Variants in LRRN1 observed in about 807,000 individuals in gnomAD.
LRRN1 encodes leucine-rich repeat neuronal protein 1.
Under a neutral mutation model 45.8 loss-of-function variants are expected in LRRN1, and 14 were observed. The ratio of observed to expected loss-of-function variants is 0.31; its 90% CI spans 0.20 to 0.48. LRRN1 has a LOEUF of 0.48. LRRN1 is among the 20% of genes least tolerant of loss of function. The pLI is 0.99. For synonymous variants in LRRN1, 359 were observed against 330.1 expected, an observed-to-expected ratio of 1.09 and a Z score of -0.95; for missense variants, 789 against 874.2, an observed-to-expected ratio of 0.90 and a Z score of 1.23.
At chr3:3,812,442 A>G (rs1692894374) in intron 1 of LRRN1, among the ~76,000 whole-genome samples, 1 of 152,184 alleles carries the variant, frequency 6.6e-6, no homozygotes, top group East Asian at 1.9e-4. Context: ...CAGAGGTGAG[A>G]AGGACTTTGG....
rs1181509230 is a variant in LRRN1 at position 3,845,073 on chromosome 3, C to T, written c.432C>T (p.Asn144=). The change falls in exon 2 of 2, where the codon AAC becomes AAT. Residue 144 remains asparagine (N), a synonymous_variant. Coordinates refer to ENST00000319331, the MANE Select transcript of LRRN1 (RefSeq NM_020873.7). The surrounding 1 kb of genome is among the most constrained non-coding windows in gnomAD (Gnocchi z 6.5). ...ATTACTGTCTACAAGACCTCAGCAA[C>T]CTTCAAGAACTCTACATCAACCACA... ...MTDYCLQDLS[N]LQELYINHNQ... 19 of 1,614,094 alleles carry T rather than the reference C, an allele frequency of 1.2e-5. No individual in the cohort carries two copies. Among genetic ancestry groups the T allele is most frequent in the Middle Eastern group, 1.7e-4 (1 of 6,060 alleles).
intron 1 of LRRN1, among the ~76,000 whole-genome samples, chr3:3,802,887 C>A (rs1692683949): frequency 6.6e-6 from 1 of 152,178 alleles, no homozygotes; most frequent in East Asian, 1.9e-4. Flanking sequence ...ATTTGTGAAA[C>A]CTTATCTTTG....
intron 1 of LRRN1, among the ~76,000 whole-genome samples, chr3:3,828,832 G>A (rs955266402): frequency 3.3e-5 from 5 of 152,144 alleles, no homozygotes; most frequent in Non-Finnish European, 5.9e-5. Flanking sequence ...TTAACAAGGA[G>A]GAAATACTCA....
intron 1 of LRRN1, among the ~76,000 whole-genome samples, chr3:3,834,189 AC>A (rs1374979606): frequency 6.6e-6 from 1 of 152,038 alleles, no homozygotes; most frequent in Non-Finnish European, 1.5e-5. Context: ...CTTAGGAGCA[AC>A]CAACCAGCTT....
chr3:3,843,675 T>A (rs1373949715), intron 1 of LRRN1, among the ~76,000 whole-genome samples: 1 of 152,086 alleles, frequency 6.6e-6, no homozygotes, highest in Non-Finnish European at 1.5e-5. Flanking sequence ...AAATAGGTGA[T>A]CTTTTATGAC....
At chr3:3,814,741 T>G (rs929262478) in intron 1 of LRRN1, among the ~76,000 whole-genome samples, 2 of 152,088 alleles carry the variant, frequency 1.3e-5, no homozygotes, top group African/African-American at 2.4e-5. Flanking sequence ...AGCCTCAGTT[T>G]TGTCTTTGCC....
At chr3:3,825,482 G>A (rs1441363697) in intron 1 of LRRN1, among the ~76,000 whole-genome samples, 3 of 152,040 alleles carry the variant, frequency 2.0e-5, no homozygotes, top group East Asian at 3.9e-4. Context: ...TTTTTGTCTC[G>A]ATGAATTAAT....
chr3:3,806,856 A>G (rs1004735088), intron 1 of LRRN1, among the ~76,000 whole-genome samples: 3 of 152,206 alleles, frequency 2.0e-5, no homozygotes, highest in Non-Finnish European at 4.4e-5. Flanking sequence ...GATGAAGTTT[A>G]TCTGTAAAAG....
intron 1 of LRRN1, 93 bp from the exon 2 acceptor site, chr3:3,844,271 C>T (rs1478087674): frequency 3.6e-5 from 6 of 166,186 alleles, no homozygotes; most frequent in South Asian, 1.9e-4. Context: ...ACTAGATTTG[C>T]GAGTGACTAT....
In LRRN1 at chr3:3,820,472, A is replaced by G. The variant is rs545872770; in HGVS notation, c.-279+20553A>G. On this transcript the variant is annotated intron_variant, in intron 1 of 1. Coordinates refer to ENST00000319331, the MANE Select transcript of LRRN1 (RefSeq NM_020873.7). ...TTTTTGTTTAAGTTATTTTCTATGT[A>G]AACCGCTCTTCATTTATTCAAATAC... 2.6e-5 allele frequency among the ~76,000 whole-genome samples: 4 copies of G among 152,278 alleles called. No individual in the cohort carries two copies. In the South Asian group the frequency reaches 8.3e-4, roughly 32 times the overall value.
chr3:3,819,795 A>T (rs1414964886), intron 1 of LRRN1, among the ~76,000 whole-genome samples: 3 of 152,156 alleles, frequency 2.0e-5, no homozygotes, highest in Non-Finnish European at 4.4e-5. Flanking sequence ...TCCGTAACTA[A>T]CAAGCATTTT....
chr3:3,840,881 A>G (rs151087469), intron 1 of LRRN1, among the ~76,000 whole-genome samples: 1 of 152,376 alleles, frequency 6.6e-6, no homozygotes, highest in African/African-American at 2.4e-5. Context: ...AGCTATAATA[A>G]TGTTGAACCT....
chr3:3,808,952 T>C (rs1423378810), intron 1 of LRRN1, among the ~76,000 whole-genome samples: 1 of 152,190 alleles, frequency 6.6e-6, no homozygotes, highest in Non-Finnish European at 1.5e-5. Flanking sequence ...TAGTTACAGA[T>C]TGCATTCTCC....
rs758746536 is a variant in LRRN1, at chr3:3,846,346, A to G, written c.1705A>G (p.Thr569Ala). ...ATMKIDNPHI[T>A]YTARVPVDVH... ...CATGAAGATTGATAACCCTCACATAACATATACTGCCAGGGTCCCAGTCGA... is the reference window on the plus strand; with the variant it reads ...CATGAAGATTGATAACCCTCACATAGCATATACTGCCAGGGTCCCAGTCGA... Residue 569 changes from threonine (T) to alanine (A), a missense_variant, in exon 2 of 2, where the codon ACA (threonine) becomes GCA (alanine). By Grantham distance (58) the Thr-to-Ala change is moderately conservative (BLOSUM62 0). Coordinates refer to ENST00000319331, the MANE Select transcript of LRRN1 (RefSeq NM_020873.7). The surrounding 1 kb of genome is among the most constrained non-coding windows in gnomAD (Gnocchi z 5.7). 8 of 1,613,662 alleles carry G rather than the reference A, an allele frequency of 5.0e-6. No homozygotes were observed. The Admixed American group carries it at 1.0e-4, about 20-fold the overall frequency.
At position 3,849,686 on chromosome 3, in the gene LRRN1, C is replaced by T. The variant is rs1050463720; in HGVS notation, c.*2894C>T. Among the ~76,000 whole-genome samples, 5 of 152,132 alleles carry T rather than the reference C, an allele frequency of 3.3e-5. No individual in the cohort carries two copies. Among genetic ancestry groups the T allele is most frequent in the African/African-American group, 1.2e-4 (5 of 41,440 alleles). ...AGCAGTTTCTTAAAACAGGCATTCC[C>T]TAACTTGCTCATTTAATTAATGAAA... On this transcript the variant is annotated 3_prime_UTR_variant, in exon 2 of 2. Transcript: ENST00000319331.
rs1267498557 is a variant in LRRN1 at position 3,844,686 on chromosome 3, G to A, written c.45G>A (p.Leu15=). The change falls in exon 2 of 2, where the codon CTG becomes CTA. Residue 15 remains leucine (L), a synonymous_variant. Coordinates refer to ENST00000319331, the MANE Select transcript of LRRN1 (RefSeq NM_020873.7). Reference sequence around the variant, plus strand: ...TTATAGCAGCTTGCCAATTGGTGCTGGGCCTACTAATGACTTCATTAACCG... The same window carrying A: ...TTATAGCAGCTTGCCAATTGGTGCTAGGCCTACTAATGACTTCATTAACCG... ...SFVIAACQLV[L]GLLMTSLTES... 3 of 1,614,076 alleles carry A rather than the reference G, an allele frequency of 1.9e-6. No individual in the cohort carries two copies. The highest frequency in any genetic ancestry group is 2.5e-6 in the Non-Finnish European group (3 of 1,179,972).
chr3:3,830,327 C>A (rs1356444379), intron 1 of LRRN1, among the ~76,000 whole-genome samples: 1 of 152,204 alleles, frequency 6.6e-6, no homozygotes, highest in Non-Finnish European at 1.5e-5. Flanking sequence ...AGTCCCTGAC[C>A]ATCCAGCCAA....
chr3:3,805,897 G>C (rs1692741193), intron 1 of LRRN1, among the ~76,000 whole-genome samples: 1 of 152,174 alleles, frequency 6.6e-6, no homozygotes, highest in Non-Finnish European at 1.5e-5. Context: ...AAATAAGTTA[G>C]CTTGATTTTT....
chr3:3,818,427 C>G (rs140856428), intron 1 of LRRN1, among the ~76,000 whole-genome samples: 1 of 152,136 alleles, frequency 6.6e-6, no homozygotes, highest in Non-Finnish European at 1.5e-5. Flanking sequence ...TGTGCTGGGC[C>G]TTCTGTCAGT....
Sources: gnomAD v4.1 joint callset for allele counts (sites outside exome capture counted in the v4.1 genomes callset) on GRCh38, gnomAD v4.1.1 for gene constraint, Gnocchi (gnomAD v3.1) non-coding constraint, MANE v1.5 for transcripts, NCBI Gene and HGNC (gene_info 2026-07-23, HGNC 2026-07-21) for gene names.